The following CREB5 variants were observed in gnomAD, a reference collection of about 807,000 sequenced individuals.
CREB5 encodes the protein cAMP responsive element binding protein 5, also known as cyclic AMP-responsive element-binding protein 5.
Under a neutral mutation model 57.1 loss-of-function variants are expected in CREB5, and 19 were observed. That is an observed-to-expected ratio of 0.33 (90% confidence interval 0.23 to 0.49). The LOEUF (loss-of-function observed/expected upper bound fraction) is 0.49. CREB5 is among the 20% of genes least tolerant of loss of function. CREB5 has a pLI of 0.99. For synonymous variants in CREB5, 238 were observed against 238.3 expected (o/e 1.00, Z 0.01); for missense variants, 579 against 671.6 (o/e 0.86, Z 1.52).
At chr7:28,353,503 A>AT (rs1786277239) in intron 1 of CREB5, among the ~76,000 whole-genome samples, 13 of 152,148 alleles carry the variant, frequency 8.5e-5, no homozygotes, top group African/African-American at 3.1e-4. Flanking sequence ...GTTTATGTGC[A>AT]TACATATAAG....
At chr7:28,671,111 A>G (rs577641530) in intron 5 of CREB5, among the ~76,000 whole-genome samples, 4 of 152,114 alleles carry the variant, frequency 2.6e-5, no homozygotes, top group African/African-American at 9.6e-5. Context: ...AAAAATTTTT[A>G]AAAATGAGCA....
chr7:28,409,996 G>T (rs751028038), upstream of CREB5: 1 of 454,062 alleles, frequency 2.2e-6, no homozygotes, highest in Non-Finnish European at 4.4e-6. This position sits in a 1 kb window ranked among gnomAD's most constrained non-coding sequence, Gnocchi z 4.4. Context: ...CCAGCGTGGC[G>T]GCGGAACCCC....
chr7:28,618,159 A>C (rs946896632), intron 5 of CREB5, among the ~76,000 whole-genome samples: 7 of 152,158 alleles, frequency 4.6e-5, no homozygotes, highest in Non-Finnish European at 8.8e-5. Context: ...GGAGGGGACT[A>C]TCAGTCCTGA....
chr7:28,384,249 T>A (rs1419267401), intron 1 of CREB5, among the ~76,000 whole-genome samples: 3 of 152,192 alleles, frequency 2.0e-5, no homozygotes. Flanking sequence ...GCAACCCCAG[T>A]GCGCAGTACT....
chr7:28,706,220 G>A (rs886451245), intron 5 of CREB5, among the ~76,000 whole-genome samples: 3 of 152,204 alleles, frequency 2.0e-5, no homozygotes, highest in African/African-American at 7.2e-5. Flanking sequence ...GATGGGCATG[G>A]TGATGGTTGC....
At chr7:28,555,543 CTATA>C (rs1794831610) in intron 4 of CREB5, among the ~76,000 whole-genome samples, 2 of 152,088 alleles carry the variant, frequency 1.3e-5, no homozygotes, top group African/African-American at 2.4e-5. Context: ...GACTAGCAAA[CTATA>C]TAGGTGTGAA....
At chr7:28,591,466 G>A (rs79317757) in intron 5 of CREB5, among the ~76,000 whole-genome samples, 15,753 of 152,116 alleles carry the variant, frequency 0.1, 989 homozygotes, top group South Asian at 0.19. Flanking sequence ...TTGTAGATTT[G>A]CTATGTCCTG....
intron 4 of CREB5, among the ~76,000 whole-genome samples, chr7:28,560,881 T>TGTGCGCGCGC (rs1554344374): frequency 4.3e-5 from 2 of 46,206 alleles, no homozygotes; most frequent in Non-Finnish European, 8.1e-5. Flanking sequence ...TGCGCGTGCG[T>TGTGCGCGCGC]GCGTGCGTGT....
At chr7:28,446,260 A>G (rs1324472049) in intron 1 of CREB5, among the ~76,000 whole-genome samples, 1 of 151,792 alleles carries the variant, frequency 6.6e-6, no homozygotes, top group African/African-American at 2.4e-5. Context: ...CCAGGAAGCT[A>G]TACACAAACT....
At chr7:28,736,911 G>A (rs982182457) in intron 7 of CREB5, among the ~76,000 whole-genome samples, 2 of 150,296 alleles carry the variant, frequency 1.3e-5, no homozygotes, top group South Asian at 2.1e-4. Context: ...AACCGTGCAT[G>A]GAGCACATCA....
At chr7:28,452,834 C>T (rs1789889803) in intron 1 of CREB5, among the ~76,000 whole-genome samples, 1 of 152,112 alleles carries the variant, frequency 6.6e-6, no homozygotes, top group Admixed American at 6.6e-5. Context: ...TAGTCTCTGG[C>T]AGAGAGAGCA....
intron 4 of CREB5, among the ~76,000 whole-genome samples, chr7:28,551,641 A>G (rs891432065): frequency 2.6e-5 from 4 of 152,164 alleles, no homozygotes; most frequent in African/African-American, 7.2e-5. Flanking sequence ...AAAGTGGTGG[A>G]AAAAAGAAAG....
At chr7:28,809,964 T>C (rs1235793379) in intron 9 of CREB5, among the ~76,000 whole-genome samples, 1 of 152,220 alleles carries the variant, frequency 6.6e-6, no homozygotes, top group East Asian at 1.9e-4. Flanking sequence ...GAAAGGTTGA[T>C]GGTCATTATG....
chr7:28,808,129 G>T (rs1808860024), intron 8 of CREB5, among the ~76,000 whole-genome samples: 1 of 152,222 alleles, frequency 6.6e-6, no homozygotes, highest in South Asian at 2.1e-4. Context: ...ACAGGGCTCA[G>T]TGCTGCTTCA....
At chr7:28,371,945 C>T (rs1381471341) in intron 1 of CREB5, among the ~76,000 whole-genome samples, 1 of 152,094 alleles carries the variant, frequency 6.6e-6, no homozygotes, top group Non-Finnish European at 1.5e-5. Context: ...TTGAATGGCC[C>T]AGGACTTAGA....
At chr7:28,518,735 A>G (rs150600) in intron 4 of CREB5, among the ~76,000 whole-genome samples, 130,958 of 152,116 alleles carry the variant, frequency 0.86, 56,690 homozygotes, top group African/African-American at 0.94. Flanking sequence ...GCTCTTCCCC[A>G]TGCTGCCAGG....
chr7:28,603,051 G>T (rs980253707), intron 5 of CREB5, among the ~76,000 whole-genome samples: 6 of 152,168 alleles, frequency 3.9e-5, no homozygotes, highest in Non-Finnish European at 7.4e-5. Context: ...AAAGTTACAA[G>T]AATTAAGGAT....
upstream of CREB5, chr7:28,410,814 G>A (rs928801884): frequency 1.9e-4 from 65 of 340,904 alleles, 1 homozygote; most frequent in Non-Finnish European, 2.9e-4. Flanking sequence ...GGGTTCAGGA[G>A]CTTAGAATGC....
intron 7 of CREB5, among the ~76,000 whole-genome samples, chr7:28,778,423 G>A (rs1045314672): frequency 1.2e-4 from 18 of 152,082 alleles, no homozygotes; most frequent in African/African-American, 1.4e-4. Flanking sequence ...TTTAAGATAC[G>A]GCTAGCAATT....
Sources: allele counts gnomAD v4.1 joint callset (sites outside exome capture counted in the v4.1 genomes callset), GRCh38; gene constraint gnomAD v4.1.1; non-coding constraint Gnocchi (gnomAD v3.1); transcripts MANE v1.5; gene names NCBI Gene and HGNC (gene_info 2026-07-23, HGNC 2026-07-21).